BAZ2B: variants seen among roughly 807,000 people sequenced by gnomAD.
BAZ2B encodes bromodomain adjacent to zinc finger domain protein 2B.
In BAZ2B, 91 loss-of-function variants were observed where a neutral mutation model predicts 246.0. The observed-to-expected ratio is 0.37, with a 90% CI of 0.31 to 0.44. BAZ2B has a LOEUF of 0.44. Among genes scored for constraint, BAZ2B ranks in the 20% least tolerant of loss-of-function variants. BAZ2B has a pLI of 1.00. For missense variants in BAZ2B, 2,332 were observed against 2,533.7 expected, an observed-to-expected ratio of 0.92 and a Z score of 1.71; for synonymous variants, 855 against 860.0, an observed-to-expected ratio of 0.99 and a Z score of 0.10.
At chr2:159,712,088 A>C in the BAZ2B span, 1 of 94,788 alleles carries the variant, frequency 1.1e-5, no homozygotes, top group Non-Finnish European at 2.8e-5. Context: ...CAAGAGCCAG[A>C]AAAAGAAAAA....
At chr2:159,366,644 C>A (rs1023680675) in intron 27 of BAZ2B, among the ~76,000 whole-genome samples, 1 of 152,180 alleles carries the variant, frequency 6.6e-6, no homozygotes, top group Non-Finnish European at 1.5e-5. Flanking sequence ...ATTGAGAAAG[C>A]CTGGGATCAT....
intron 34 of BAZ2B, among the ~76,000 whole-genome samples, chr2:159,327,598 G>A (rs1029122168): frequency 9.9e-5 from 15 of 152,058 alleles, no homozygotes; most frequent in Non-Finnish European, 2.1e-4. Flanking sequence ...CATTAAAAAG[G>A]AGAACTTAAT....
Position 159,435,770 on chromosome 2 carries a change from G to A in BAZ2B, c.1294-2407C>T, listed in dbSNP as rs187738663. On this transcript the variant is annotated intron_variant, in intron 8 of 36. Transcript: ENST00000392783. ...CTCCCAAAGTACTGGGATTATAGGC[G>A]AGAGCCACCGCACTCAGCCTGAAAT... 3.5e-3 allele frequency among the ~76,000 whole-genome samples: 534 copies of A among 152,314 alleles called. 1 individual carries two copies. Among genetic ancestry groups the A allele is most frequent in the African/African-American group, 0.012 (510 of 41,574 alleles).
intron 2 of BAZ2B, among the ~76,000 whole-genome samples, chr2:159,547,619 G>C (rs1486198848): frequency 1.3e-5 from 2 of 152,102 alleles, no homozygotes; most frequent in Non-Finnish European, 2.9e-5. Flanking sequence ...CAATTTACTA[G>C]CCATATTAAA....
chr2:159,595,645 T>C (rs1269497591), intron 1 of BAZ2B, among the ~76,000 whole-genome samples: 1 of 152,232 alleles, frequency 6.6e-6, no homozygotes. Context: ...ATATGATTCA[T>C]TGAAATCTGT....
chr2:159,666,057 G>A, the BAZ2B span, among the ~76,000 whole-genome samples: 3 of 150,912 alleles, frequency 2.0e-5, no homozygotes, highest in South Asian at 6.3e-4. Flanking sequence ...TTGTTAAATG[G>A]GTCACGTTCT....
chr2:159,707,359 A>G, the BAZ2B span, among the ~76,000 whole-genome samples: 1 of 151,960 alleles, frequency 6.6e-6, no homozygotes, highest in South Asian at 2.1e-4. Flanking sequence ...GGCCACCCTG[A>G]GCAACATACT....
intron 14 of BAZ2B, among the ~76,000 whole-genome samples, chr2:159,410,284 T>C (rs550145169): frequency 2.6e-5 from 4 of 152,100 alleles, no homozygotes; most frequent in South Asian, 2.1e-4. Flanking sequence ...AGAAGCCAAA[T>C]AAAATAAAAA....
chr2:159,603,600 C>G (rs1006787051), intron 1 of BAZ2B, among the ~76,000 whole-genome samples: 2 of 151,852 alleles, frequency 1.3e-5, no homozygotes, highest in Non-Finnish European at 2.9e-5. Flanking sequence ...TCTTCATTCA[C>G]CCTGTTAAAA....
At position 159,394,738 on chromosome 2, in the gene BAZ2B, T is replaced by C. The variant is rs185299392; in HGVS notation, c.3075+1031A>G. Reference sequence around the variant, plus strand: ...AGAACTTTACATACACAGAGACACATATCCATTTACTCATCTCTTCAGCCC... The same window carrying C: ...AGAACTTTACATACACAGAGACACACATCCATTTACTCATCTCTTCAGCCC... On this transcript the variant is annotated intron_variant, in intron 20 of 36. Coordinates refer to ENST00000392783, the MANE Select transcript of BAZ2B (RefSeq NM_013450.4). 7.6e-4 allele frequency among the ~76,000 whole-genome samples: 116 copies of C among 152,292 alleles called. 5 individuals carry two copies. Among genetic ancestry groups the C allele is most frequent in the South Asian group, 6.8e-3 (33 of 4,822 alleles).
intron 36 of BAZ2B, among the ~76,000 whole-genome samples, chr2:159,322,184 T>C (rs1307338766): frequency 6.6e-6 from 1 of 152,236 alleles, no homozygotes; most frequent in Non-Finnish European, 1.5e-5. Context: ...AATATTTCTC[T>C]ATGCGTAATG....
At chr2:159,335,275 G>A (rs1046484025) in intron 33 of BAZ2B, among the ~76,000 whole-genome samples, 3 of 152,050 alleles carry the variant, frequency 2.0e-5, no homozygotes, top group Admixed American at 6.6e-5. Context: ...GGCCAGGTGC[G>A]GTGGCTCATG....
intron 33 of BAZ2B, among the ~76,000 whole-genome samples, chr2:159,334,499 C>A (rs2065290774): frequency 6.6e-6 from 1 of 152,150 alleles, no homozygotes; most frequent in Non-Finnish European, 1.5e-5. Context: ...AATATTTTGT[C>A]AGGACTTACT....
At chr2:159,404,704 T>A in intron 16 of BAZ2B, 145 bp downstream of exon 16, 1 of 670,424 alleles carries the variant, frequency 1.5e-6, no homozygotes, top group Admixed American at 3.5e-5. Context: ...AAATTTTAAT[T>A]AATAGAAGAT....
intron 1 of BAZ2B, among the ~76,000 whole-genome samples, chr2:159,588,431 A>G (rs1688559516): frequency 6.6e-6 from 1 of 151,970 alleles, no homozygotes. Flanking sequence ...GATCAAGGTG[A>G]GAGAATCACT....
chr2:159,567,188 A>C (rs1682828451), intron 1 of BAZ2B, among the ~76,000 whole-genome samples: 1 of 151,910 alleles, frequency 6.6e-6, no homozygotes, highest in East Asian at 1.9e-4. Flanking sequence ...GGTTGTAGTG[A>C]GCCGAGATCA....
chr2:159,483,840 G>C (rs1162276041), intron 2 of BAZ2B, among the ~76,000 whole-genome samples: 1 of 150,684 alleles, frequency 6.6e-6, no homozygotes, highest in Non-Finnish European at 1.5e-5. Context: ...GAAAAAAGAA[G>C]GTTAACTAGT....
intron 3 of BAZ2B, among the ~76,000 whole-genome samples, chr2:159,472,731 T>C (rs1252586934): frequency 6.6e-6 from 1 of 152,250 alleles, no homozygotes; most frequent in Non-Finnish European, 1.5e-5. Context: ...TTTCTGCATC[T>C]ATTGAAATAA....
intron 1 of BAZ2B, among the ~76,000 whole-genome samples, chr2:159,587,192 CCT>C (rs1688228894): frequency 6.6e-6 from 1 of 152,004 alleles, no homozygotes; most frequent in Non-Finnish European, 1.5e-5. Flanking sequence ...CATTCTCCTG[CCT>C]CAGCCTCCTG....
Sources: gnomAD v4.1 joint callset for allele counts (sites outside exome capture counted in the v4.1 genomes callset) on GRCh38, gnomAD v4.1.1 for gene constraint, MANE v1.5 for transcripts, NCBI Gene and HGNC (gene_info 2026-07-23, HGNC 2026-07-21) for gene names.